Variants in DCHS2 observed in about 807,000 individuals in gnomAD.
The protein encoded by DCHS2 is dachsous cadherin-related 2.
Under a neutral mutation model 182.4 loss-of-function variants are expected in DCHS2, and 142 were observed. That is an observed-to-expected ratio of 0.78 (90% CI 0.68 to 0.89). DCHS2 has a LOEUF of 0.89. Ranked by LOEUF, DCHS2 falls within the 40% of genes least tolerant of loss-of-function variation. DCHS2 has a pLI of 0.00. For missense variants in DCHS2, 4,319 were observed against 4,198.6 expected, an observed-to-expected ratio of 1.03 and a Z score of -0.79; for synonymous variants, 1,740 against 1,663.3, an observed-to-expected ratio of 1.05 and a Z score of -1.12.
At chr4:154,411,821 A>G (rs896707982) in intron 1 of DCHS2, among the ~76,000 whole-genome samples, 1 of 152,234 alleles carries the variant, frequency 6.6e-6, no homozygotes. Flanking sequence ...ATCATATAAC[A>G]TCATGCTGTA....
intron 9 of DCHS2, among the ~76,000 whole-genome samples, chr4:154,318,796 T>C (rs577095896): frequency 2.6e-5 from 4 of 152,118 alleles, no homozygotes; most frequent in Non-Finnish European, 5.9e-5. Context: ...ACAGATTCAA[T>C]GCAATCTCTA....
intron 1 of DCHS2, among the ~76,000 whole-genome samples, chr4:154,447,212 A>G (rs563045025): frequency 6.0e-4 from 92 of 152,164 alleles, no homozygotes; most frequent in Non-Finnish European, 1.0e-3. Context: ...GAATTGCTTG[A>G]ACCTGGGAGG....
intron 1 of DCHS2, among the ~76,000 whole-genome samples, chr4:154,464,537 T>C (rs908096720): frequency 1.3e-5 from 2 of 152,206 alleles, no homozygotes; most frequent in Non-Finnish European, 2.9e-5. Context: ...ACTAAGTGAT[T>C]AAATCCTCTC....
intron 1 of DCHS2, among the ~76,000 whole-genome samples, chr4:154,381,515 T>C (rs569317853): frequency 1.1e-3 from 166 of 152,222 alleles, no homozygotes; most frequent in African/African-American, 3.5e-3. Context: ...ACTGACAATA[T>C]AATTCTATAG....
intron 12 of DCHS2, among the ~76,000 whole-genome samples, chr4:154,303,157 T>G (rs1735287358): frequency 6.6e-6 from 1 of 151,826 alleles, no homozygotes; most frequent in Non-Finnish European, 1.5e-5. Flanking sequence ...AATTTTTGTA[T>G]TTTTAGTAGA....
chr4:154,333,270 G>A lies in DCHS2; in HGVS notation c.2938C>T (p.Leu980Phe). The A allele has an allele frequency of 1.2e-6, 2 of 1,614,224 alleles. No individual in the cohort carries two copies. Among genetic ancestry groups the A allele is most frequent in the Non-Finnish European group, 1.7e-6 (2 of 1,180,034 alleles). ...ATTCTAATCTCATCCGAGGTCCTGA[G>A]GAACGCTGGGTGGTTGTCATTGACA... Reference protein sequence around the residue: ...MDVNDNHPAFLRTSDEIRISQ... With the variant: ...MDVNDNHPAFFRTSDEIRISQ... Residue 980 changes from leucine to phenylalanine, a missense_variant, in exon 5 of 20, where the codon CTC becomes TTC. Coordinates refer to ENST00000357232, the MANE Select transcript of DCHS2 (RefSeq NM_001358235.2).
intron 2 of DCHS2, among the ~76,000 whole-genome samples, chr4:154,371,502 G>A (rs187462133): frequency 1.3e-3 from 191 of 152,200 alleles, no homozygotes; most frequent in African/African-American, 4.4e-3. Context: ...AATGGACCAC[G>A]AGTTCCAAAG....
chr4:154,320,527 G>A lies in DCHS2; in HGVS notation c.4872C>T (p.Pro1624=), dbSNP rs1561038952. The change falls in exon 9 of 20, where the codon CCC becomes CCT. Residue 1624 remains proline (P), a synonymous_variant. Transcript: ENST00000357232. ...TGACATCCTCTTTGACATGGGCATT[G>A]GGGAAAGAAATAAAAGTGGGGTTGT... The part of the protein sequence containing the change: ...NDHNPTFISF[P]NAHVKEDVTV... The A allele has an allele frequency of 1.2e-6, 2 of 1,614,024 alleles. No individual in the cohort carries two copies. Among genetic ancestry groups the A allele is most frequent in the Non-Finnish European group, 1.7e-6 (2 of 1,180,008 alleles).
intron 1 of DCHS2, among the ~76,000 whole-genome samples, chr4:154,481,616 T>C (rs556830690): frequency 6.6e-6 from 1 of 152,284 alleles, no homozygotes; most frequent in South Asian, 2.1e-4. Flanking sequence ...CAAGTGAAAT[T>C]ACATATAATG....
In DCHS2 at chr4:154,249,766, A is replaced by G. The variant is rs1732263503; in HGVS notation, c.6941+5753T>C. ...AGAAACATGGATAGAGATGGAGGCT[A>G]TAATCCTAAACAAATTAACACATAA... On this transcript the variant is annotated intron_variant, in intron 16 of 19. Coordinates refer to ENST00000357232, the MANE Select transcript of DCHS2 (RefSeq NM_001358235.2). Among the ~76,000 whole-genome samples, 3 of 152,202 alleles carry G rather than the reference A, an allele frequency of 2.0e-5. No individual in the cohort carries two copies. The South Asian group carries it at 6.2e-4, about 32-fold the overall frequency.
At chr4:154,395,066 A>G (rs1731872314) in intron 1 of DCHS2, among the ~76,000 whole-genome samples, 1 of 152,170 alleles carries the variant, frequency 6.6e-6, no homozygotes, top group South Asian at 2.1e-4. Context: ...ATCTGCCACT[A>G]TCTTCTGGAA....
intron 13 of DCHS2, among the ~76,000 whole-genome samples, chr4:154,288,828 T>G (rs879401691): frequency 2.0e-5 from 3 of 152,118 alleles, no homozygotes; most frequent in Non-Finnish European, 4.4e-5. Flanking sequence ...GAATGACCAG[T>G]GATTCAATGG....
intron 1 of DCHS2, among the ~76,000 whole-genome samples, chr4:154,399,742 G>T (rs1174644407): frequency 6.6e-6 from 1 of 152,182 alleles, no homozygotes. Context: ...GTCTATAGTG[G>T]CTGAGGAATA....
rs753420126 is a variant in DCHS2 at position 154,377,432 on chromosome 4, C to T, written c.2065G>A (p.Asp689Asn). ...AAGCCATAGAGTCCTGAATCTGCAT[C>T]AGAGGCTGTCACCTGTGAGACAGGA... ...GHCFLQVTAS[D>N]ADSGLYGFIE... Residue 689 changes from aspartate to asparagine, a missense_variant, in exon 2 of 20, where the codon GAT (aspartate) becomes AAT (asparagine). By Grantham distance (23) the Asp-to-Asn change is conservative. Coordinates refer to ENST00000357232, the MANE Select transcript of DCHS2 (RefSeq NM_001358235.2). The T allele has an allele frequency of 1.2e-6, 2 of 1,611,768 alleles. No homozygotes were observed. Among genetic ancestry groups the T allele is most frequent in the Admixed American group, 3.3e-5 (2 of 59,814 alleles).
Position 154,235,749 on chromosome 4 carries a change from T to C in DCHS2, c.8903A>G (p.Lys2968Arg), listed in dbSNP as rs201099367. 23 of 1,614,080 alleles carry C rather than the reference T, an allele frequency of 1.4e-5. No homozygotes were observed. Among genetic ancestry groups the C allele is most frequent in the Non-Finnish European group, 1.8e-5 (21 of 1,179,980 alleles). The stretch of plus-strand genomic sequence containing the variant: ...CACAAAAACAGTGCAAGATGCAAAC[T>C]TGGAATCTGATTTGGGACTATGAGC... ...IIAHSPKSDS[K>R]FASCTVFVNV... Residue 2968 changes from lysine (K) to arginine (R), a missense_variant, in exon 20 of 20, where the codon AAG (lysine) becomes AGG (arginine). Physicochemically the swap from Lys to Arg is conservative, Grantham distance 26. Transcript: ENST00000357232.
At chr4:154,388,949 A>G (rs941737885) in intron 1 of DCHS2, among the ~76,000 whole-genome samples, 1 of 152,166 alleles carries the variant, frequency 6.6e-6, no homozygotes, top group Non-Finnish European at 1.5e-5. Context: ...TTGAAGACCC[A>G]CTACAGCACG....
At chr4:154,459,202 C>T (rs1424032104) in intron 1 of DCHS2, among the ~76,000 whole-genome samples, 1 of 152,064 alleles carries the variant, frequency 6.6e-6, no homozygotes, top group Non-Finnish European at 1.5e-5. Context: ...AGTTATGCTT[C>T]CTCTGAAGCA....
At chr4:154,277,586 A>G (rs1166699075) in intron 13 of DCHS2, among the ~76,000 whole-genome samples, 2 of 151,732 alleles carry the variant, frequency 1.3e-5, no homozygotes, top group South Asian at 2.1e-4. Context: ...CCAGTCTGTA[A>G]AATCTAGAGA....
At chr4:154,471,323 A>T (rs4696580) in intron 1 of DCHS2, among the ~76,000 whole-genome samples, 79,859 of 152,010 alleles carry the variant, frequency 0.53, 21,488 homozygotes, top group East Asian at 0.84. Context: ...TGTGTTATTT[A>T]TTGCAGCATA....
Sources: gnomAD v4.1 joint callset for allele counts (sites outside exome capture counted in the v4.1 genomes callset) on GRCh38, gnomAD v4.1.1 for gene constraint, MANE v1.5 for transcripts, NCBI Gene and HGNC (gene_info 2026-07-23, HGNC 2026-07-21) for gene names.